The following MYLK4 variants were observed in gnomAD, a reference collection of about 807,000 sequenced individuals.
The protein encoded by MYLK4 is myosin light chain kinase family member 4.
MYLK4 carries 46 observed loss-of-function variants against 48.1 expected under a neutral mutation model. The ratio of observed to expected loss-of-function variants is 0.96; its 90% CI spans 0.75 to 1.22. The LOEUF is 1.22. MYLK4 is among the 50% of genes most tolerant of loss of function. The pLI is 0.00. For synonymous variants in MYLK4, 170 were observed against 180.8 expected (o/e 0.94, Z 0.48); for missense variants, 451 against 486.1 (o/e 0.93, Z 0.68).
At chr6:2,693,484 A>T (rs1182222733) in intron 2 of MYLK4, among the ~76,000 whole-genome samples, 1 of 152,194 alleles carries the variant, frequency 6.6e-6, no homozygotes, top group African/African-American at 2.4e-5. Flanking sequence ...TCCTAAGTGG[A>T]TAAACATTCT....
At chr6:2,723,553 C>G (rs960981508) in intron 2 of MYLK4, among the ~76,000 whole-genome samples, 11 of 152,266 alleles carry the variant, frequency 7.2e-5, no homozygotes, top group Non-Finnish European at 1.3e-4. Context: ...CTCGCTGGCA[C>G]CCCAGGGTCT....
At chr6:2,716,451 G>A (rs538886637) in intron 2 of MYLK4, among the ~76,000 whole-genome samples, 1 of 152,340 alleles carries the variant, frequency 6.6e-6, no homozygotes, top group Admixed American at 6.5e-5. Context: ...AGAAGCTATT[G>A]ACTGTGTTTG....
intron 2 of MYLK4, among the ~76,000 whole-genome samples, chr6:2,694,578 CT>C (rs1761980487): frequency 2.2e-5 from 1 of 46,218 alleles, no homozygotes. Context: ...GGTAGTGCTG[CT>C]GGTGGTGGTG....
At chr6:2,734,247 G>A (rs551014379) in intron 2 of MYLK4, among the ~76,000 whole-genome samples, 3 of 152,246 alleles carry the variant, frequency 2.0e-5, no homozygotes, top group African/African-American at 7.2e-5. Context: ...TGCGGCTTTC[G>A]CTAAACCATC....
intron 2 of MYLK4, among the ~76,000 whole-genome samples, chr6:2,735,345 C>T (rs1015076798): frequency 6.6e-5 from 10 of 150,978 alleles, no homozygotes; most frequent in African/African-American, 2.4e-4. Context: ...TTGATTCTGC[C>T]AGTCTAGAAA....
chr6:2,672,542 T>C lies in MYLK4; in HGVS notation c.1120-1194A>G, dbSNP rs1760939146. On this transcript the variant is annotated intron_variant, in intron 11 of 12. Coordinates refer to ENST00000274643, the MANE Select transcript of MYLK4 (RefSeq NM_001012418.5). The surrounding 1 kb of genome is among the most constrained non-coding windows in gnomAD (Gnocchi z 4.3). ...TAAAAATATACGAAAGACTCAAAAA[T>C]AGAATTTAGATTGAAATGGTAAACA... Among the ~76,000 whole-genome samples, 1 of 152,160 alleles carries C rather than the reference T, an allele frequency of 6.6e-6. No individual in the cohort carries two copies. Among genetic ancestry groups the C allele is most frequent in the African/African-American group, 2.4e-5 (1 of 41,440 alleles).
chr6:2,740,813 A>ACTTT (rs1763874854), intron 2 of MYLK4, among the ~76,000 whole-genome samples: 1 of 152,218 alleles, frequency 6.6e-6, no homozygotes, highest in Non-Finnish European at 1.5e-5. Flanking sequence ...GCTCTCTTGA[A>ACTTT]GGAAGTGGAC....
intron 12 of MYLK4, among the ~76,000 whole-genome samples, chr6:2,668,198 TA>T (rs1462265578): frequency 6.6e-6 from 1 of 152,144 alleles, no homozygotes; most frequent in Non-Finnish European, 1.5e-5. Context: ...ATTTTAGTAC[TA>T]TTTGCAATAT....
At chr6:2,697,654 T>C (rs1453258837) in intron 2 of MYLK4, among the ~76,000 whole-genome samples, 3 of 152,212 alleles carry the variant, frequency 2.0e-5, no homozygotes, top group Admixed American at 2.0e-4. Flanking sequence ...TTCATTCCCA[T>C]TCAATAAAAA....
At chr6:2,698,823 G>A (rs867885049) in intron 2 of MYLK4, among the ~76,000 whole-genome samples, 28 of 152,238 alleles carry the variant, frequency 1.8e-4, no homozygotes, top group South Asian at 1.0e-3. Flanking sequence ...TGTATGAAGC[G>A]AGAAAACCCT....
In MYLK4 at chr6:2,673,952, G is replaced by A. The variant is rs567161023; in HGVS notation, c.1119+1095C>T. ...GAGGAAGGAAGCAAAGAAGATGTAC[G>A]GGGGCTGGCTGGGGCCGCTCCATGG... On this transcript the variant is annotated intron_variant, in intron 11 of 12. Coordinates refer to ENST00000274643, the MANE Select transcript of MYLK4 (RefSeq NM_001012418.5). The surrounding 1 kb of genome is among the most constrained non-coding windows in gnomAD (Gnocchi z 4.2). Among the ~76,000 whole-genome samples, 14 of 152,296 alleles carry A rather than the reference G, an allele frequency of 9.2e-5. No individual in the cohort carries two copies. Among genetic ancestry groups the A allele is most frequent in the Admixed American group, 5.9e-4 (9 of 15,310 alleles).
At chr6:2,729,460 T>C (rs1582106478) in intron 2 of MYLK4, among the ~76,000 whole-genome samples, 1 of 152,232 alleles carries the variant, frequency 6.6e-6, no homozygotes, top group South Asian at 2.1e-4. Flanking sequence ...AACTTTGGTT[T>C]GTGTACTGAT....
chr6:2,686,875 G>C (rs1345720359), intron 4 of MYLK4, among the ~76,000 whole-genome samples: 1 of 152,178 alleles, frequency 6.6e-6, no homozygotes, highest in Non-Finnish European at 1.5e-5. Context: ...TTATGGAAAT[G>C]GTTTCTCCCC....
chr6:2,692,871 C>G lies in MYLK4; in HGVS notation c.160-12G>C. On this transcript the variant is annotated splice_polypyrimidine_tract_variant and intron_variant, in intron 2 of 12. Coordinates refer to ENST00000274643, the MANE Select transcript of MYLK4 (RefSeq NM_001012418.5). ...CACACCTCCTTCGCCTGTGGAGGCA[C>G]AATTGAGTAATTGAAGTTACATATC... The G allele has an allele frequency of 1.2e-6, 2 of 1,610,244 alleles. No homozygotes were observed. Among genetic ancestry groups the G allele is most frequent in the Non-Finnish European group, 1.7e-6 (2 of 1,177,842 alleles).
At chr6:2,701,819 CA>C (rs1162073756) in intron 2 of MYLK4, among the ~76,000 whole-genome samples, 1 of 152,212 alleles carries the variant, frequency 6.6e-6, no homozygotes, top group Non-Finnish European at 1.5e-5. Flanking sequence ...GCTCTTTAAC[CA>C]ATGGCCAGGT....
chr6:2,767,448 A>C, the MYLK4 span, among the ~76,000 whole-genome samples: 1 of 152,232 alleles, frequency 6.6e-6, no homozygotes, highest in East Asian at 1.9e-4. Flanking sequence ...TTTATCTCCC[A>C]CAACTTAAGC....
intron 2 of MYLK4, among the ~76,000 whole-genome samples, chr6:2,703,789 G>A (rs1458131446): frequency 6.9e-6 from 1 of 144,054 alleles, no homozygotes; most frequent in Admixed American, 7.5e-5. Context: ...TCCTGCCTCA[G>A]CCTCCCAAGT....
At chr6:2,695,933 C>A (rs1680703883) in intron 2 of MYLK4, among the ~76,000 whole-genome samples, 1 of 152,218 alleles carries the variant, frequency 6.6e-6, no homozygotes, top group Non-Finnish European at 1.5e-5. Context: ...CTGACCCAAT[C>A]CTGACCATCC....
intron 2 of MYLK4, among the ~76,000 whole-genome samples, chr6:2,701,244 T>G (rs1054507587): frequency 6.6e-6 from 1 of 152,202 alleles, no homozygotes; most frequent in Non-Finnish European, 1.5e-5. Flanking sequence ...CACATGGGGT[T>G]CTCGGTATGC....
Sources: gnomAD v4.1 joint callset for allele counts (sites outside exome capture counted in the v4.1 genomes callset) on GRCh38, gnomAD v4.1.1 for gene constraint, Gnocchi (gnomAD v3.1) non-coding constraint, MANE v1.5 for transcripts, NCBI Gene and HGNC (gene_info 2026-07-23, HGNC 2026-07-21) for gene names.